ELSPBP1: variants seen among roughly 807,000 people sequenced by gnomAD.
ELSPBP1 encodes epididymal sperm binding protein 1.
In ELSPBP1, 38 loss-of-function variants were observed where a neutral mutation model predicts 33.3. That is an observed-to-expected ratio of 1.14 (90% CI 0.88 to 1.50). The LOEUF (loss-of-function observed/expected upper bound fraction) is 1.50, where lower values mean the gene tolerates loss of function less well. Ranked by LOEUF, ELSPBP1 falls within the 40% of genes most tolerant of loss-of-function variation. The pLI, the probability that ELSPBP1 is intolerant of heterozygous loss-of-function variation, is 0.00. For synonymous variants in ELSPBP1, 85 were observed against 94.1 expected, an observed-to-expected ratio of 0.90 and a Z score of 0.56; for missense variants, 267 against 263.5, an observed-to-expected ratio of 1.01 and a Z score of -0.09.
chr19:48,015,836 T>TC, intron 3 of ELSPBP1, 57 bp from the exon 4 acceptor site: 1 of 1,518,482 alleles, frequency 6.6e-7, no homozygotes. Context: ...ATTAAATGAC[T>TC]CTGTCCTGTG....
intron 3 of ELSPBP1, 22 bp downstream of exon 3, chr19:48,014,330 C>G (rs768247053): frequency 1.2e-6 from 2 of 1,609,910 alleles, no homozygotes; most frequent in Non-Finnish European, 1.7e-6. Flanking sequence ...CACATTGTCC[C>G]TGCCAGTGGC....
At chr19:48,007,563 G>A (rs1253072162) in intron 1 of ELSPBP1, among the ~76,000 whole-genome samples, 1 of 152,192 alleles carries the variant, frequency 6.6e-6, no homozygotes, top group African/African-American at 2.4e-5. Context: ...GTGGGTTCTT[G>A]TTGCTGCTGA....
intron 5 of ELSPBP1, among the ~76,000 whole-genome samples, chr19:48,020,581 G>A (rs1368226213): frequency 1.3e-5 from 2 of 152,074 alleles, no homozygotes; most frequent in African/African-American, 2.4e-5. Context: ...GCGAGTTGAC[G>A]CATTTGCACC....
chr19:48,023,681 T>C (rs1442396870), intron 6 of ELSPBP1, among the ~76,000 whole-genome samples: 1 of 151,908 alleles, frequency 6.6e-6, no homozygotes, highest in East Asian at 1.9e-4. Flanking sequence ...ATGGTGTGCA[T>C]CCATTGCCCC....
chr19:48,023,197 AAAGGAAGGAAGGAGGG>A (rs1205553976), intron 6 of ELSPBP1, among the ~76,000 whole-genome samples: 1 of 123,166 alleles, frequency 8.1e-6, no homozygotes, highest in Non-Finnish European at 1.8e-5. Context: ...AACGGAGGGG[AAAGGAAGGAAGGAGGG>A]AAGGAAGGAG....
chr19:47,996,808 T>C (rs1490620731), intron 1 of ELSPBP1, among the ~76,000 whole-genome samples: 1 of 151,928 alleles, frequency 6.6e-6, no homozygotes, highest in African/African-American at 2.4e-5. Context: ...ATAACAAAAG[T>C]AAAAGAAGAG....
chr19:47,998,502 G>A (rs544349288), intron 1 of ELSPBP1, among the ~76,000 whole-genome samples: 7 of 152,060 alleles, frequency 4.6e-5, no homozygotes, highest in African/African-American at 1.7e-4. Context: ...CAAAATGGCA[G>A]AGTCCGGGGC....
chr19:47,998,577 G>T (rs540315311), intron 1 of ELSPBP1, among the ~76,000 whole-genome samples: 1 of 151,956 alleles, frequency 6.6e-6, no homozygotes, highest in Admixed American at 6.6e-5. Flanking sequence ...ACGAGGTCAG[G>T]AGATCGAGAC....
intron 1 of ELSPBP1, among the ~76,000 whole-genome samples, chr19:48,000,360 T>G (rs1408939048): frequency 6.6e-6 from 1 of 150,916 alleles, no homozygotes; most frequent in African/African-American, 2.4e-5. Context: ...CCTGCCTCAG[T>G]CTCCTGAGTA....
intron 5 of ELSPBP1, 136 bp from the exon 6 acceptor site, chr19:48,022,034 T>C: frequency 1.3e-6 from 1 of 763,866 alleles, no homozygotes; most frequent in East Asian, 2.7e-5. Flanking sequence ...ATGCGCGCGA[T>C]TAAATGCTGG....
chr19:48,000,117 C>T (rs924516970), intron 1 of ELSPBP1, among the ~76,000 whole-genome samples: 8 of 151,306 alleles, frequency 5.3e-5, no homozygotes, highest in East Asian at 4.0e-4. Context: ...TGAGCCCGCA[C>T]GCCCAGCCTA....
chr19:48,015,209 G>A (rs1323957681), intron 3 of ELSPBP1, among the ~76,000 whole-genome samples: 1 of 152,220 alleles, frequency 6.6e-6, no homozygotes, highest in African/African-American at 2.4e-5. Flanking sequence ...GAATGGATCA[G>A]CATAAAGGTC....
chr19:48,022,359 C>A, intron 6 of ELSPBP1, 25 bp downstream of exon 6: 2 of 1,577,412 alleles, frequency 1.3e-6, no homozygotes, highest in South Asian at 2.4e-5. Context: ...CAACAGTGGT[C>A]ATTTCACGGA....
At chr19:48,002,019 A>C (rs1169431687) in intron 1 of ELSPBP1, among the ~76,000 whole-genome samples, 1 of 152,110 alleles carries the variant, frequency 6.6e-6, no homozygotes, top group African/African-American at 2.4e-5. Context: ...TGTGCCATGC[A>C]ACCTAGCATA....
chr19:48,004,694 C>G, intron 1 of ELSPBP1, among the ~76,000 whole-genome samples: 1 of 152,204 alleles, frequency 6.6e-6, no homozygotes, highest in Non-Finnish European at 1.5e-5. Context: ...GTTCCTGAGA[C>G]TCGTCCACAG....
chr19:48,015,037 T>C (rs1019897415), intron 3 of ELSPBP1, among the ~76,000 whole-genome samples: 3 of 152,020 alleles, frequency 2.0e-5, no homozygotes, highest in African/African-American at 7.2e-5. Flanking sequence ...TAGCCTGCTA[T>C]TGACGAGACG....
chr19:48,014,419 C>T (rs16959494), intron 3 of ELSPBP1, 111 bp downstream of exon 3: 89,619 of 1,166,344 alleles, frequency 0.077, 4,714 homozygotes, highest in African/African-American at 0.27. Context: ...AACGGTAATA[C>T]GTATGCGTGC....
chr19:48,006,138 T>C (rs1967015090), intron 1 of ELSPBP1, among the ~76,000 whole-genome samples: 1 of 151,988 alleles, frequency 6.6e-6, no homozygotes, highest in East Asian at 1.9e-4. Context: ...TTTTTTTATT[T>C]TTGTAGAGAT....
At chr19:48,003,810 T>A (rs1000786926) in intron 1 of ELSPBP1, among the ~76,000 whole-genome samples, 4 of 151,060 alleles carry the variant, frequency 2.6e-5, no homozygotes, top group African/African-American at 9.7e-5. Context: ...CCTCCCAAAG[T>A]GCTGGAATTA....
Sources: allele counts gnomAD v4.1 joint callset (sites outside exome capture counted in the v4.1 genomes callset), GRCh38; gene constraint gnomAD v4.1.1; transcripts MANE v1.5; gene names NCBI Gene and HGNC (gene_info 2026-07-23, HGNC 2026-07-21).